BTK: variants seen among roughly 807,000 people sequenced by gnomAD.
BTK encodes tyrosine-protein kinase BTK.
Under a neutral mutation model 57.4 loss-of-function variants are expected in BTK, and 5 were observed. That is an observed-to-expected ratio of 0.09 (90% confidence interval 0.05 to 0.18). The LOEUF (loss-of-function observed/expected upper bound fraction) is 0.18. Among genes scored for constraint, BTK ranks in the 10% least tolerant of loss-of-function variants. The pLI, the probability that BTK is intolerant of heterozygous loss-of-function variation, is 1.00. For missense variants in BTK, 194 were observed against 501.2 expected, an observed-to-expected ratio of 0.39 and a Z score of 5.85; for synonymous variants, 154 against 174.3, an observed-to-expected ratio of 0.88 and a Z score of 0.92.
At chrX:101,372,595 C>G (rs782270607) in intron 3 of BTK, among the ~76,000 whole-genome samples, 1 of 108,040 alleles carries the variant, frequency 9.3e-6, no homozygotes, top group Non-Finnish European at 1.9e-5. Context: ...ATTACAGGCT[C>G]GCGCCACCAT....
chrX:101,381,088 A>G (rs1927405501), intron 1 of BTK, among the ~76,000 whole-genome samples: 1 of 108,297 alleles, frequency 9.2e-6, no homozygotes, highest in African/African-American at 3.4e-5. Context: ...TTTCCCCTCA[A>G]TATAATATGT....
In BTK at chrX:101,356,226, G is replaced by A. The variant is rs373846453; in HGVS notation, c.1392C>T (p.Cys464=). 10 of 1,209,757 alleles carry A rather than the reference G, an allele frequency of 8.3e-6. No individual in the cohort carries two copies. The highest frequency in any genetic ancestry group is 7.0e-5 in the African/African-American group (4 of 57,154). Residue 464 remains cysteine, a synonymous_variant, in exon 15 of 19, where the codon TGC becomes TGT. Coordinates refer to ENST00000308731, the MANE Select transcript of BTK (RefSeq NM_000061.3). ...TGATGAAGATGGGGCGCTGCTTGGT[G>A]CAGACGCCATACAACTGCACCAGCT... The part of the protein sequence containing the change: ...HEKLVQLYGV[C]TKQRPIFIIT...
At chrX:101,359,201 C>T (rs1204279634) in intron 10 of BTK, 92 bp downstream of exon 10, 1 of 1,000,864 alleles carries the variant, frequency 1.0e-6, no homozygotes, top group East Asian at 3.0e-5. Flanking sequence ...TTTGACACTG[C>T]CTTGCCCAAA....
chrX:101,359,519 C>T (rs1269934174), intron 9 of BTK, among the ~76,000 whole-genome samples, 172 bp from the exon 10 acceptor site: 3 of 111,643 alleles, frequency 2.7e-5, no homozygotes, highest in African/African-American at 9.8e-5. Context: ...CCCAGGTTGG[C>T]ATTGAAGATT....
intron 5 of BTK, among the ~76,000 whole-genome samples, chrX:101,365,278 T>G (rs183934354): frequency 4.5e-5 from 5 of 111,666 alleles, no homozygotes; most frequent in African/African-American, 1.3e-4. Context: ...CCAGTAGACA[T>G]GCCAAAGAAT....
intron 5 of BTK, among the ~76,000 whole-genome samples, chrX:101,366,905 A>T (rs1436218633): frequency 8.9e-6 from 1 of 112,560 alleles, no homozygotes; most frequent in Non-Finnish European, 1.9e-5. Context: ...AATGAACCTT[A>T]AAAGCAGCAC....
At chrX:101,355,063 G>A (rs1163882847) in intron 15 of BTK, among the ~76,000 whole-genome samples, 1 of 112,334 alleles carries the variant, frequency 8.9e-6, no homozygotes, top group Non-Finnish European at 1.9e-5. Flanking sequence ...TGGATCACCT[G>A]AGGTCAAGAG....
chrX:101,371,994 G>A (rs1927049288), intron 3 of BTK, among the ~76,000 whole-genome samples: 1 of 112,032 alleles, frequency 8.9e-6, no homozygotes, highest in Non-Finnish European at 1.9e-5. Context: ...AGAGGAGTTA[G>A]GTAGCTATGC....
chrX:101,360,069 C>A lies in BTK; in HGVS notation c.839+19G>T. The A allele has an allele frequency of 8.8e-7, 1 of 1,133,289 alleles. No homozygotes were observed. The highest frequency in any genetic ancestry group is 1.2e-6 in the Non-Finnish European group (1 of 835,298). The allele number at this position is 1,133,289 out of a possible 1,213,427, so 93.4% of individuals were successfully genotyped here. The stretch of plus-strand genomic sequence containing the variant: ...AGAGTTCCTCCTGGAAGATTGTGGA[C>A]TGACATAAACATACTTACTCATACA... On this transcript the variant is annotated intron_variant, in intron 9 of 18. Coordinates refer to ENST00000308731, the MANE Select transcript of BTK (RefSeq NM_000061.3).
upstream of BTK, among the ~76,000 whole-genome samples, chrX:101,386,756 C>T (rs1310851676): frequency 3.6e-5 from 4 of 111,779 alleles, no homozygotes; most frequent in Non-Finnish European, 5.6e-5. Flanking sequence ...ATAAAAATGT[C>T]GGAATATAAG....
At chrX:101,367,910 C>G (rs782370617) in intron 5 of BTK, among the ~76,000 whole-genome samples, 1 of 111,526 alleles carries the variant, frequency 9.0e-6, no homozygotes, top group Non-Finnish European at 1.9e-5. Flanking sequence ...TGATCCCTTT[C>G]TGTGTGCAAG....
chrX:101,368,878 C>T (rs965646651), intron 5 of BTK, among the ~76,000 whole-genome samples: 13 of 112,038 alleles, frequency 1.2e-4, no homozygotes, highest in Admixed American at 4.8e-4. Context: ...GCTGGTATAG[C>T]CAGCCAGTGA....
At chrX:101,378,983 G>A (rs1308759427) in intron 1 of BTK, among the ~76,000 whole-genome samples, 2 of 109,510 alleles carry the variant, frequency 1.8e-5, no homozygotes, top group Non-Finnish European at 3.8e-5. Context: ...AGACCAGCCT[G>A]GCCAACATGG....
At chrX:101,355,567 A>G in intron 15 of BTK, 1 of 123,699 alleles carries the variant, frequency 8.1e-6, no homozygotes, top group Non-Finnish European at 1.7e-5. Context: ...TTTTCAAGAG[A>G]AGCTGGAAAT....
At chrX:101,353,379 G>T (rs782493736) in intron 17 of BTK, 28 bp from the exon 18 acceptor site, 17 of 1,195,597 alleles carry the variant, frequency 1.4e-5, no homozygotes, top group Admixed American at 8.8e-5. Context: ...TTATTAAATT[G>T]GTTTGCAGTC....
chrX:101,370,713 C>T lies in BTK; in HGVS notation c.310-634G>A, dbSNP rs139025862. Among the ~76,000 whole-genome samples the T allele has an allele frequency of 7.7e-3, 858 of 111,791 alleles. 7 individuals are homozygous for T. Among genetic ancestry groups the T allele is most frequent in the African/African-American group, 0.026 (813 of 30,793 alleles). On this transcript the variant is annotated intron_variant, in intron 4 of 18. Transcript: ENST00000308731. The stretch of plus-strand genomic sequence containing the variant: ...GTACAAGGCATCATGCTAGGTGTTA[C>T]GAAGATGCATGAAATATATAAGATG...
At position 101,376,394 on chromosome X, in the gene BTK, G is replaced by A. The variant is rs546091076; in HGVS notation, c.-30-1080C>T. The stretch of plus-strand genomic sequence containing the variant: ...TGTAATCCCAGCACTTTGGGAGGCC[G>A]AGGCTGGCGGATCACCTGAGGTCAA... On this transcript the variant is annotated intron_variant, in intron 1 of 18. Transcript: ENST00000308731. Among the ~76,000 whole-genome samples, 263 of 112,064 alleles carry A rather than the reference G, an allele frequency of 2.3e-3. 2 individuals are homozygous for A. The highest frequency in any genetic ancestry group is 0.016 in the South Asian group (45 of 2,739).
intron 16 of BTK, chrX:101,354,270 C>T (rs1253569739): frequency 2.4e-6 from 1 of 410,636 alleles, no homozygotes; most frequent in African/African-American, 2.5e-5. Context: ...TTTCTCTGCT[C>T]TTCTCCTTCC....
Position 101,349,693 on chromosome X carries a change from C to T in BTK, c.*192G>A, listed in dbSNP as rs1057403. On this transcript the variant is annotated 3_prime_UTR_variant, in exon 19 of 19. Coordinates refer to ENST00000308731, the MANE Select transcript of BTK (RefSeq NM_000061.3). ...CGGGAAATTTCAGGCACAATAATTT[C>T]TTGGCCTTTGCTCAGAAGCCACTAT... The T allele has an allele frequency of 0.26, 113,898 of 442,227 alleles. 14,552 individuals carry two copies. Among genetic ancestry groups the T allele is most frequent in the African/African-American group, 0.63 (25,582 of 40,648 alleles). 36.4% of individuals were successfully genotyped at this position (442,227 alleles called of 1,213,427 possible).
Sources: gnomAD v4.1 joint callset for allele counts (sites outside exome capture counted in the v4.1 genomes callset) on GRCh38, gnomAD v4.1.1 for gene constraint, MANE v1.5 for transcripts, NCBI Gene and HGNC (gene_info 2026-07-23, HGNC 2026-07-21) for gene names.